The following PCM1 variants were observed in gnomAD, a reference collection of about 807,000 sequenced individuals.
The protein encoded by PCM1 is pericentriolar material 1 protein.
Under a neutral mutation model 241.9 loss-of-function variants are expected in PCM1, and 157 were observed. That is an observed-to-expected ratio of 0.65 (90% confidence interval 0.57 to 0.74). PCM1 has a LOEUF of 0.74. PCM1 is among the 30% of genes least tolerant of loss of function. The pLI is 0.00. For missense variants in PCM1, 3,478 were observed against 2,360.1 expected (o/e 1.47, Z -9.81); for synonymous variants, 1,085 against 784.9 (o/e 1.38, Z -6.39).
chr8:17,993,434 A>G (rs1489076649), intron 28 of PCM1, 49 bp from the exon 29 acceptor site: 9 of 1,313,162 alleles, frequency 6.9e-6, no homozygotes, highest in African/African-American at 3.0e-5. Context: ...GCATATATGT[A>G]TATATAATAG....
At chr8:17,988,443 A>G (rs573391706) in intron 26 of PCM1, among the ~76,000 whole-genome samples, 4 of 152,004 alleles carry the variant, frequency 2.6e-5, no homozygotes, top group African/African-American at 7.2e-5. Flanking sequence ...AGCCAACACT[A>G]TTAAAACTTT....
chr8:17,995,682 T>G lies in PCM1; in HGVS notation c.4827+2063T>G, dbSNP rs1285476841. On this transcript the variant is annotated intron_variant, in intron 29 of 38. Coordinates refer to ENST00000325083, the MANE Select transcript of PCM1 (RefSeq NM_006197.4). ...GTACAGACATTTTAACAATATTGAT[T>G]TTTCCAATCCATGAACATGGAATAT... Among the ~76,000 whole-genome samples, 4 of 147,092 alleles carry G rather than the reference T, an allele frequency of 2.7e-5. No individual in the cohort carries two copies. The East Asian group carries it at 7.7e-4, about 28-fold the overall frequency.
At chr8:17,961,304 CTTT>C (rs35468848) in intron 15 of PCM1, among the ~76,000 whole-genome samples, 2 of 79,140 alleles carry the variant, frequency 2.5e-5, no homozygotes, top group Non-Finnish European at 4.4e-5. Context: ...TATTGGCTAG[CTTT>C]TTTTTTTTTT....
chr8:17,994,756 CGTT>C (rs1474874893), intron 29 of PCM1, among the ~76,000 whole-genome samples: 2 of 146,188 alleles, frequency 1.4e-5, no homozygotes, highest in African/African-American at 5.6e-5. Context: ...GATGATTTCT[CGTT>C]GTAGTTTTGA....
chr8:17,925,246 CT>C (rs1331320291), intron 2 of PCM1: 1 of 152,110 alleles, frequency 6.6e-6, no homozygotes, highest in Non-Finnish European at 1.5e-5. Context: ...TTCGATCTCC[CT>C]TTCCTGGTAT....
Position 18,027,648 on chromosome 8 carries a change from G to A in PCM1, c.6061G>A (p.Ala2021Thr), listed in dbSNP as rs2094333239. 5 of 1,580,234 alleles carry A rather than the reference G, an allele frequency of 3.2e-6. No individual in the cohort carries two copies. Among genetic ancestry groups the A allele is most frequent in the Non-Finnish European group, 3.5e-6 (4 of 1,156,638 alleles). The change falls in exon 39 of 39, where the codon GCC becomes ACC. Residue 2021 changes from alanine (A) to threonine (T), a missense_variant. Transcript: ENST00000325083. ...ATTCTGTTTTTCAGAAACGGTGGGA[G>A]CCCAGAGTATATGAGATGTCTTCAG... Reference protein sequence around the residue: ...ETLKEPETVGAQSI With the variant: ...ETLKEPETVGTQSI
intron 15 of PCM1, among the ~76,000 whole-genome samples, chr8:17,961,524 G>T (rs1003153559): frequency 6.6e-6 from 1 of 152,078 alleles, no homozygotes; most frequent in Non-Finnish European, 1.5e-5. Context: ...TGTTAGCCAA[G>T]ATGGTCTCAG....
rs1372483333 is a variant in PCM1 at position 18,010,206 on chromosome 8, T to G, written c.5161-403T>G. 3.3e-5 allele frequency among the ~76,000 whole-genome samples: 5 copies of G among 152,310 alleles called. No individual in the cohort carries two copies. In the East Asian group the frequency reaches 9.7e-4, roughly 29 times the overall value. On this transcript the variant is annotated intron_variant, in intron 31 of 38. Transcript: ENST00000325083. ...TTGTTCTGCCTTGTCAAATTAATTT[T>G]GATCACAGGTGAGATTGGATGACTG...
intron 29 of PCM1, among the ~76,000 whole-genome samples, chr8:17,999,735 T>C (rs1272240496): frequency 6.6e-6 from 1 of 152,152 alleles, no homozygotes; most frequent in Non-Finnish European, 1.5e-5. Context: ...GTTTTTATTC[T>C]TATAATGGTG....
chr8:17,939,107 T>G, intron 5 of PCM1, 98 bp downstream of exon 5: 1 of 1,194,064 alleles, frequency 8.4e-7, no homozygotes, highest in Non-Finnish European at 1.2e-6. Context: ...GAATTTTAGT[T>G]GGGTGGAATT....
At position 17,975,851 on chromosome 8, in the gene PCM1, G is replaced by A. The variant is rs554670194; in HGVS notation, c.3943+3164G>A. 2.2e-4 allele frequency among the ~76,000 whole-genome samples: 34 copies of A among 152,256 alleles called. No individual in the cohort carries two copies. The South Asian group carries it at 6.6e-3, about 30-fold the overall frequency. On this transcript the variant is annotated intron_variant, in intron 23 of 38. Transcript: ENST00000325083. ...TATGAGGTAAGAATATATAAATTAT[G>A]TAATAATCGTATTTTAAACTTGAGT... is the stretch of plus-strand genomic sequence containing the variant.
At chr8:17,975,607 A>G (rs193016899) in intron 23 of PCM1, among the ~76,000 whole-genome samples, 1 of 152,132 alleles carries the variant, frequency 6.6e-6, no homozygotes, top group Non-Finnish European at 1.5e-5. Flanking sequence ...TATGACAGAT[A>G]TTTCAGCATA....
intron 6 of PCM1, among the ~76,000 whole-genome samples, chr8:17,946,109 T>G (rs907309265): frequency 2.6e-5 from 4 of 152,234 alleles, no homozygotes; most frequent in African/African-American, 9.6e-5. Context: ...GATTACATTT[T>G]GAATAGTTTT....
At chr8:17,938,477 G>C (rs73580052) in intron 4 of PCM1, among the ~76,000 whole-genome samples, 3,022 of 152,250 alleles carry the variant, frequency 0.02, 112 homozygotes, top group African/African-American at 0.069. Flanking sequence ...GGGTACTCAA[G>C]CTGTACTTCA....
At chr8:18,011,856 A>C (rs1352907672) in intron 34 of PCM1, 29 bp downstream of exon 34, 21 of 1,550,716 alleles carry the variant, frequency 1.4e-5, no homozygotes, top group Non-Finnish European at 1.8e-5. Context: ...ACACACTTCC[A>C]TCAGCCTTAT....
Position 17,985,590 on chromosome 8 carries a change from T to G in PCM1, c.4252T>G (p.Leu1418Val). 1 of 1,607,938 alleles carries G rather than the reference T, an allele frequency of 6.2e-7. No homozygotes were observed. Among genetic ancestry groups the G allele is most frequent in the Non-Finnish European group, 8.5e-7 (1 of 1,176,708 alleles). The stretch of plus-strand genomic sequence containing the variant: ...GCTGCAGCTACTAAACACAGACTAC[T>G]TGAGACAGAGGGCTTTATATGCATT... Reference protein sequence around the residue: ...HELQLLNTDYLRQRALYALQD... With the variant: ...HELQLLNTDYVRQRALYALQD... Residue 1418 changes from leucine to valine, a missense_variant, in exon 25 of 39, where the codon TTG becomes GTG. Physicochemically the swap from Leu to Val is conservative, Grantham distance 32. Coordinates refer to ENST00000325083, the MANE Select transcript of PCM1 (RefSeq NM_006197.4).
rs745927598 is a variant in PCM1, at chr8:17,935,691, C to A, written c.81C>A (p.Asp27Glu). ...LPNWSNENVDDRLNNMDWGAQ... is the reference protein window; with the variant it reads ...LPNWSNENVDERLNNMDWGAQ... Reference sequence around the variant, plus strand: ...ACTGGAGTAATGAGAATGTTGATGACAGGCTCAACAATATGGTATGATTCC... The same window carrying A: ...ACTGGAGTAATGAGAATGTTGATGAAAGGCTCAACAATATGGTATGATTCC... The change falls in exon 3 of 39, where the codon GAC (aspartate) becomes GAA (glutamate). Residue 27 changes from aspartate (D) to glutamate (E), a missense_variant. By Grantham distance (45) the Asp-to-Glu change is conservative. Transcript: ENST00000325083. The A allele has an allele frequency of 7.0e-6, 10 of 1,432,344 alleles. No homozygotes were observed. In the African/African-American group the frequency reaches 1.3e-4, roughly 18 times the overall value. The allele number at this position is 1,432,344 out of a possible 1,614,324, so 88.7% of individuals were successfully genotyped here. A position where few individuals can be genotyped will look rare whatever the true frequency, so the allele number is the denominator to read the frequency against.
intron 24 of PCM1, chr8:17,983,113 C>A: frequency 2.8e-6 from 1 of 362,644 alleles, no homozygotes; most frequent in Non-Finnish European, 4.7e-6. Context: ...TTAGTTCAGG[C>A]AAACAATTTT....
intron 21 of PCM1, among the ~76,000 whole-genome samples, chr8:17,968,834 AAG>A (rs2075923558): frequency 6.6e-6 from 1 of 151,300 alleles, no homozygotes; most frequent in South Asian, 2.1e-4. Flanking sequence ...TAAAAAATTT[AAG>A]AGACTTTTTA....
Sources: gnomAD v4.1 joint callset for allele counts (sites outside exome capture counted in the v4.1 genomes callset) on GRCh38, gnomAD v4.1.1 for gene constraint, MANE v1.5 for transcripts, NCBI Gene and HGNC (gene_info 2026-07-23, HGNC 2026-07-21) for gene names.